NCOA3: variants seen among roughly 807,000 people sequenced by gnomAD.
NCOA3 encodes the protein CBP-interacting protein.
A neutral mutation model predicts 158.8 loss-of-function variants in NCOA3; 51 were observed. The observed-to-expected ratio is 0.32, with a 90% CI of 0.26 to 0.41. NCOA3 has a LOEUF of 0.41. Among genes scored for constraint, NCOA3 ranks in the 10% least tolerant of loss-of-function variants. The pLI, the probability that NCOA3 is intolerant of heterozygous loss-of-function variation, is 1.00. For synonymous variants in NCOA3, 537 were observed against 592.4 expected, an observed-to-expected ratio of 0.91 and a Z score of 1.36; for missense variants, 1,510 against 1,746.6, an observed-to-expected ratio of 0.86 and a Z score of 2.41.
At chr20:47,511,550 T>C (rs11696422) in intron 1 of NCOA3, among the ~76,000 whole-genome samples, 3,986 of 52,262 alleles carry the variant, frequency 0.076, 645 homozygotes, top group African/African-American at 0.19. Context: ...TATATATATA[T>C]ATATATTTCT....
At chr20:47,618,259 A>G (rs1196839110) in intron 2 of NCOA3, among the ~76,000 whole-genome samples, 1 of 152,130 alleles carries the variant, frequency 6.6e-6, no homozygotes, top group East Asian at 1.9e-4. Flanking sequence ...AACAAAAAAT[A>G]AGATAGAAAT....
At chr20:47,638,537 A>G (rs2086553115) in intron 13 of NCOA3, among the ~76,000 whole-genome samples, 1 of 152,084 alleles carries the variant, frequency 6.6e-6, no homozygotes, top group African/African-American at 2.4e-5. Flanking sequence ...ATCAATTAAG[A>G]GTGGGGGGGA....
Position 47,621,654 on chromosome 20 carries a change from A to ATTTTTTTTTTTTTTTTTTTT in NCOA3, c.-19-558_-19-557insTTTTTTTTTTTTTTTTTTTT, listed in dbSNP as rs749582388. Among the ~76,000 whole-genome samples, 41 of 119,782 alleles carry ATTTTTTTTTTTTTTTTTTTT rather than the reference A, an allele frequency of 3.4e-4. 3 individuals carry two copies. The highest frequency in any genetic ancestry group is 1.4e-3 in the African/African-American group (40 of 29,436). 78.6% of individuals were successfully genotyped at this position (119,782 alleles called of 152,430 possible). Reference sequence around the variant, plus strand: ...AGCATACTATTTTTCCATCAGTCAAATTTTTTTTTTTTTTTTTGAGACGGA... The same window carrying ATTTTTTTTTTTTTTTTTTTT: ...AGCATACTATTTTTCCATCAGTCAAATTTTTTTTTTTTTTTTTTTTTTTTTTTTTTTTTTTTTGAGACGGA... On this transcript the variant is annotated intron_variant, in intron 2 of 22. Coordinates refer to ENST00000371998, the MANE Select transcript of NCOA3 (RefSeq NM_181659.3).
At chr20:47,597,320 C>T (rs916867764) in intron 2 of NCOA3, among the ~76,000 whole-genome samples, 1 of 152,038 alleles carries the variant, frequency 6.6e-6, no homozygotes, top group Non-Finnish European at 1.5e-5. Flanking sequence ...TCCCACCATT[C>T]TTGGATATTC....
At chr20:47,623,674 G>A (rs779929943) in intron 3 of NCOA3, among the ~76,000 whole-genome samples, 29 of 152,136 alleles carry the variant, frequency 1.9e-4, no homozygotes, top group Non-Finnish European at 4.0e-4. Flanking sequence ...TGTAATCCCA[G>A]CTACTGGGGA....
In NCOA3 at chr20:47,540,691, CTGTT is replaced by C. The variant is rs72661196; in HGVS notation, c.-99+38675_-99+38678del. Reference sequence around the variant, plus strand: ...CTCTTCTTCTCAAGGAATTTATAGTCTGTTTGGGGAGATGAGAACTAAACATGAA... The same window carrying C: ...CTCTTCTTCTCAAGGAATTTATAGTCTGGGGAGATGAGAACTAAACATGAA... On this transcript the variant is annotated intron_variant, in intron 1 of 22. Transcript: ENST00000371998. 7.3e-3 allele frequency among the ~76,000 whole-genome samples: 1,111 copies of C among 152,208 alleles called. 21 individuals carry two copies. Among genetic ancestry groups the C allele is most frequent in the African/African-American group, 0.025 (1,047 of 41,522 alleles).
At chr20:47,539,882 T>C (rs1017483543) in intron 1 of NCOA3, among the ~76,000 whole-genome samples, 3 of 152,234 alleles carry the variant, frequency 2.0e-5, no homozygotes, top group Non-Finnish European at 4.4e-5. Flanking sequence ...AATTGGATAC[T>C]GCCAATAACA....
Position 47,566,746 on chromosome 20 carries a change from G to A in NCOA3, c.-98-16437G>A, listed in dbSNP as rs999813371. 8.5e-5 allele frequency among the ~76,000 whole-genome samples: 13 copies of A among 152,248 alleles called. 2 individuals are homozygous for A. In the South Asian group the frequency reaches 1.7e-3, roughly 19 times the overall value. ...GCTGGTCTTGAAATCCTGAGCTCAT[G>A]CAGTTAACCCACCTTGGCCACCCAC... On this transcript the variant is annotated intron_variant, in intron 1 of 22. Transcript: ENST00000371998.
intron 1 of NCOA3, among the ~76,000 whole-genome samples, chr20:47,503,454 C>T (rs2083975865): frequency 6.6e-6 from 1 of 152,124 alleles, no homozygotes; most frequent in Non-Finnish European, 1.5e-5. Flanking sequence ...CACGCCAAAC[C>T]CTACAGTTTC....
At chr20:47,544,047 C>T (rs940116456) in intron 1 of NCOA3, among the ~76,000 whole-genome samples, 2 of 152,104 alleles carry the variant, frequency 1.3e-5, no homozygotes, top group African/African-American at 4.8e-5. Flanking sequence ...GTGTACTCCA[C>T]CCCGATTCCC....
At chr20:47,600,110 T>TTGTGGG (rs2085833057) in intron 2 of NCOA3, among the ~76,000 whole-genome samples, 1 of 143,036 alleles carries the variant, frequency 7.0e-6, no homozygotes. Flanking sequence ...CTCACTTCCT[T>TTGTGGG]TGTGTGTGTG....
At chr20:47,653,161 G>A in intron 22 of NCOA3, 89 bp downstream of exon 22, 1 of 1,454,388 alleles carries the variant, frequency 6.9e-7, no homozygotes, top group East Asian at 2.3e-5. Flanking sequence ...AATGTCCTAG[G>A]TATATTTTAA....
chr20:47,608,044 G>T (rs55865828), intron 2 of NCOA3, among the ~76,000 whole-genome samples: 9,727 of 152,250 alleles, frequency 0.064, 469 homozygotes, highest in Middle Eastern at 0.17. Context: ...AGGTATAGTG[G>T]CTCATGCCTG....
intron 2 of NCOA3, among the ~76,000 whole-genome samples, chr20:47,610,673 C>G (rs2086028142): frequency 6.6e-6 from 1 of 152,224 alleles, no homozygotes; most frequent in Admixed American, 6.5e-5. Context: ...GTGAGTCAGA[C>G]TTGCCGTGTC....
At chr20:47,535,803 G>T (rs1341703957) in intron 1 of NCOA3, among the ~76,000 whole-genome samples, 1 of 152,034 alleles carries the variant, frequency 6.6e-6, no homozygotes, top group Non-Finnish European at 1.5e-5. Flanking sequence ...ACTGCGCCCG[G>T]CCGAGTGCAA....
At chr20:47,523,043 A>G (rs1369266817) in intron 1 of NCOA3, among the ~76,000 whole-genome samples, 2 of 152,124 alleles carry the variant, frequency 1.3e-5, no homozygotes, top group East Asian at 1.9e-4. Context: ...ACAAAAAGCC[A>G]GGCGTGGTGG....
chr20:47,572,420 A>G (rs1318837210), intron 1 of NCOA3, among the ~76,000 whole-genome samples: 1 of 152,092 alleles, frequency 6.6e-6, no homozygotes, highest in Non-Finnish European at 1.5e-5. Context: ...AAAGAAAAAA[A>G]AACAGTACTT....
At chr20:47,545,843 T>C (rs72661199) in intron 1 of NCOA3, among the ~76,000 whole-genome samples, 203 of 152,184 alleles carry the variant, frequency 1.3e-3, no homozygotes, top group African/African-American at 4.5e-3. Context: ...GCATCCTGAA[T>C]AGCTAGGACT....
At chr20:47,652,820 T>G (rs1266002772) in intron 21 of NCOA3, 111 bp from the exon 22 acceptor site, 4 of 1,301,248 alleles carry the variant, frequency 3.1e-6, no homozygotes, top group Admixed American at 1.9e-5. Flanking sequence ...TTCTCTAACA[T>G]TCCCAGCTTA....
Sources: gnomAD v4.1 joint callset for allele counts (sites outside exome capture counted in the v4.1 genomes callset) on GRCh38, gnomAD v4.1.1 for gene constraint, MANE v1.5 for transcripts, NCBI Gene and HGNC (gene_info 2026-07-23, HGNC 2026-07-21) for gene names.